Variants in CCDC178 observed in about 807,000 individuals in gnomAD.
CCDC178 encodes coiled-coil domain containing 178, also known as coiled-coil domain-containing protein 178.
In CCDC178, 126 loss-of-function variants were observed where a neutral mutation model predicts 117.4. The ratio of observed to expected loss-of-function variants is 1.07; its 90% CI spans 0.93 to 1.24. The LOEUF (loss-of-function observed/expected upper bound fraction) is 1.24, where lower values mean the gene tolerates loss of function less well. Ranked by LOEUF, CCDC178 falls within the 50% of genes most tolerant of loss-of-function variation. CCDC178 has a pLI of 0.00. For synonymous variants in CCDC178, 283 were observed against 313.4 expected, an observed-to-expected ratio of 0.90 and a Z score of 1.02; for missense variants, 1,030 against 986.9, an observed-to-expected ratio of 1.04 and a Z score of -0.59.
At chr18:33,303,092 T>C (rs2062199620) in intron 11 of CCDC178, among the ~76,000 whole-genome samples, 1 of 152,216 alleles carries the variant, frequency 6.6e-6, no homozygotes, top group African/African-American at 2.4e-5. Context: ...GTATATATTA[T>C]GTGTATTAAA....
intron 21 of CCDC178, among the ~76,000 whole-genome samples, chr18:33,047,774 A>G (rs73415482): frequency 0.014 from 2,134 of 152,272 alleles, 53 homozygotes; most frequent in African/African-American, 0.048. Flanking sequence ...GGGTTTTGCC[A>G]ATTTTCAGTA....
chr18:33,139,946 G>A (rs769387784), intron 20 of CCDC178, among the ~76,000 whole-genome samples: 3 of 152,206 alleles, frequency 2.0e-5, no homozygotes, highest in East Asian at 3.9e-4. Context: ...GGGTTCCCAC[G>A]CTGTGCACAG....
chr18:33,365,699 T>A (rs953015394), intron 6 of CCDC178, among the ~76,000 whole-genome samples: 22 of 152,232 alleles, frequency 1.4e-4, no homozygotes, highest in South Asian at 4.1e-4. Flanking sequence ...TGTGTTATTC[T>A]TTTAAGTTAC....
intron 2 of CCDC178, among the ~76,000 whole-genome samples, chr18:33,428,827 T>TAA (rs371647607): frequency 0.012 from 1,392 of 120,164 alleles, 30 homozygotes; most frequent in African/African-American, 0.04. Flanking sequence ...TGAAAAAAAG[T>TAA]AAAAAAAAAA....
chr18:33,005,833 C>G (rs957598532), intron 21 of CCDC178, among the ~76,000 whole-genome samples: 1 of 151,910 alleles, frequency 6.6e-6, no homozygotes, highest in Non-Finnish European at 1.5e-5. Context: ...TGATCTTTTA[C>G]GATACAACTC....
intron 20 of CCDC178, among the ~76,000 whole-genome samples, chr18:33,146,384 C>A (rs2058267840): frequency 6.6e-6 from 1 of 152,172 alleles, no homozygotes; most frequent in Non-Finnish European, 1.5e-5. Flanking sequence ...TTCAGAGTGG[C>A]TTCCTTGCAT....
chr18:33,108,424 T>G (rs566899715), intron 20 of CCDC178, among the ~76,000 whole-genome samples: 1 of 151,780 alleles, frequency 6.6e-6, no homozygotes, highest in African/African-American at 2.4e-5. Context: ...GACTGTATCT[T>G]TGGGAATTAT....
chr18:33,429,804 C>T (rs2064182090), intron 2 of CCDC178, among the ~76,000 whole-genome samples: 1 of 151,962 alleles, frequency 6.6e-6, no homozygotes, highest in African/African-American at 2.4e-5. Flanking sequence ...TATTTGCAAC[C>T]CTGGGAACCA....
At chr18:33,120,953 T>C (rs1598904420) in intron 20 of CCDC178, among the ~76,000 whole-genome samples, 1 of 152,140 alleles carries the variant, frequency 6.6e-6, no homozygotes, top group African/African-American at 2.4e-5. Flanking sequence ...TTAGGTAATA[T>C]ATGACTGTTT....
intron 20 of CCDC178, among the ~76,000 whole-genome samples, chr18:33,115,655 T>C (rs1245592350): frequency 6.6e-6 from 1 of 151,988 alleles, no homozygotes; most frequent in Non-Finnish European, 1.5e-5. Flanking sequence ...ATTTGCATAC[T>C]TCACCTCCCC....
At chr18:33,329,914 T>TGTGTGTGG (rs1336385586) in intron 10 of CCDC178, among the ~76,000 whole-genome samples, 1 of 133,674 alleles carries the variant, frequency 7.5e-6, no homozygotes, top group Non-Finnish European at 1.7e-5. Context: ...TGTGTGTGTG[T>TGTGTGTGG]GGTATAATTC....
At chr18:33,186,397 A>G (rs2058795364) in intron 20 of CCDC178, among the ~76,000 whole-genome samples, 1 of 152,104 alleles carries the variant, frequency 6.6e-6, no homozygotes, top group Non-Finnish European at 1.5e-5. Context: ...TTCTGTCTGT[A>G]GACCAGACGC....
At chr18:32,952,829 AGT>A (rs2054517979) in intron 22 of CCDC178, among the ~76,000 whole-genome samples, 4 of 144,922 alleles carry the variant, frequency 2.8e-5, no homozygotes, top group African/African-American at 1.0e-4. Context: ...GCTGGAGTGC[AGT>A]GGCATGATCT....
At chr18:33,079,801 C>T (rs1403726552) in intron 21 of CCDC178, among the ~76,000 whole-genome samples, 1 of 152,046 alleles carries the variant, frequency 6.6e-6, no homozygotes, top group Non-Finnish European at 1.5e-5. Context: ...GGTTGTGGAG[C>T]AAATGAAACA....
intron 20 of CCDC178, among the ~76,000 whole-genome samples, chr18:33,166,668 G>A (rs1469854474): frequency 6.6e-6 from 1 of 152,106 alleles, no homozygotes; most frequent in Admixed American, 6.6e-5. Context: ...CTTTCTATCA[G>A]TAATACCTAT....
In CCDC178 at chr18:33,217,261, C is replaced by T. The variant is rs1054949691; in HGVS notation, c.1933-1566G>A. Among the ~76,000 whole-genome samples, 77 of 152,040 alleles carry T rather than the reference C, an allele frequency of 5.1e-4. 1 individual carries two copies. Among genetic ancestry groups the T allele is most frequent in the African/African-American group, 1.8e-3 (74 of 41,524 alleles). ...TAGAGAGACTCATAAAGTATCTTGA[C>T]TGATTCTTGGTTTTATTGGTAGAGT... On this transcript the variant is annotated intron_variant, in intron 18 of 22. Transcript: ENST00000383096.
chr18:33,248,830 A>C (rs1033490238), intron 14 of CCDC178, among the ~76,000 whole-genome samples: 1 of 152,126 alleles, frequency 6.6e-6, no homozygotes, highest in African/African-American at 2.4e-5. Flanking sequence ...TAGATGCTTG[A>C]GGAATCGCCA....
intron 21 of CCDC178, among the ~76,000 whole-genome samples, chr18:33,054,675 T>C (rs2056800459): frequency 6.6e-6 from 1 of 152,248 alleles, no homozygotes; most frequent in East Asian, 1.9e-4. Context: ...TTATCATTGA[T>C]TGGCATTTAG....
chr18:33,224,677 G>A, intron 17 of CCDC178, 98 bp downstream of exon 17: 2 of 770,690 alleles, frequency 2.6e-6, no homozygotes, highest in Non-Finnish European at 3.8e-6. Context: ...GCCCCTATGT[G>A]AAATCATAAT....
Sources: allele counts gnomAD v4.1 joint callset (sites outside exome capture counted in the v4.1 genomes callset), GRCh38; gene constraint gnomAD v4.1.1; transcripts MANE v1.5; gene names NCBI Gene and HGNC (gene_info 2026-07-23, HGNC 2026-07-21).